Variants in INPP4B observed in about 807,000 individuals in gnomAD.
INPP4B encodes inositol polyphosphate-4-phosphatase type II B.
In INPP4B, 55 loss-of-function variants were observed where a neutral mutation model predicts 122.5. The observed-to-expected ratio is 0.45, with a 90% CI of 0.36 to 0.56. The LOEUF (loss-of-function observed/expected upper bound fraction) is 0.56. Among genes scored for constraint, INPP4B ranks in the 20% least tolerant of loss-of-function variants. The pLI is 0.00. For synonymous variants in INPP4B, 403 were observed against 388.7 expected, an observed-to-expected ratio of 1.04 and a Z score of -0.43; for missense variants, 1,000 against 1,097.7, an observed-to-expected ratio of 0.91 and a Z score of 1.26.
intron 12 of INPP4B, among the ~76,000 whole-genome samples, chr4:142,234,654 C>G (rs978754979): frequency 2.6e-5 from 4 of 152,210 alleles, no homozygotes; most frequent in Non-Finnish European, 5.9e-5. Context: ...AAAGCCAAAA[C>G]TATACAGCCT....
At chr4:142,641,524 GT>G (rs1012657955) in intron 2 of INPP4B, among the ~76,000 whole-genome samples, 3 of 151,364 alleles carry the variant, frequency 2.0e-5, no homozygotes, top group Non-Finnish European at 4.4e-5. Flanking sequence ...GCGGTGTTTG[GT>G]TTTTTATCCT....
At chr4:142,451,253 T>TC (rs1562128317) in intron 3 of INPP4B, among the ~76,000 whole-genome samples, 1 of 143,048 alleles carries the variant, frequency 7.0e-6, no homozygotes, top group East Asian at 2.0e-4. Context: ...GTTGTTTTTT[T>TC]TTTTTTTTTT....
chr4:142,048,601 G>A (rs1475850582), intron 25 of INPP4B, among the ~76,000 whole-genome samples: 1 of 151,900 alleles, frequency 6.6e-6, no homozygotes, highest in Non-Finnish European at 1.5e-5. Context: ...GAGGGGGCAG[G>A]TATTTATGTG....
At chr4:142,214,781 G>A (rs912794262) in intron 12 of INPP4B, among the ~76,000 whole-genome samples, 1 of 152,166 alleles carries the variant, frequency 6.6e-6, no homozygotes, top group Non-Finnish European at 1.5e-5. Flanking sequence ...TCGAACTCCT[G>A]ACCTCAGGTG....
chr4:142,651,927 T>C (rs1753051557), intron 2 of INPP4B, among the ~76,000 whole-genome samples: 1 of 151,996 alleles, frequency 6.6e-6, no homozygotes, highest in African/African-American at 2.4e-5. Context: ...AAAAAAAGAA[T>C]TTTAGACCAA....
chr4:142,159,415 T>C (rs1219170623), intron 17 of INPP4B, among the ~76,000 whole-genome samples: 5 of 151,990 alleles, frequency 3.3e-5, no homozygotes, highest in South Asian at 4.1e-4. Context: ...ATTTTTGTGA[T>C]AGAAATTTTA....
chr4:142,142,802 C>T (rs547995742), intron 18 of INPP4B, among the ~76,000 whole-genome samples: 1 of 151,956 alleles, frequency 6.6e-6, no homozygotes, highest in African/African-American at 2.4e-5. Context: ...GAATGATAAA[C>T]GTTTAAAGTG....
At chr4:142,759,563 T>G in intron 1 of INPP4B, among the ~76,000 whole-genome samples, 1 of 152,140 alleles carries the variant, frequency 6.6e-6, no homozygotes, top group East Asian at 1.9e-4. Flanking sequence ...TTGCATGAAT[T>G]ACATGTGTGT....
intron 2 of INPP4B, among the ~76,000 whole-genome samples, chr4:142,467,702 A>T (rs1818053631): frequency 6.6e-6 from 1 of 152,134 alleles, no homozygotes; most frequent in Admixed American, 6.5e-5. Context: ...TGTGAGAAAG[A>T]CATGAGATTT....
rs1396182130 is a variant in INPP4B, at chr4:142,593,110, A to ATT, written c.-190-130385_-190-130384insAA. Among the ~76,000 whole-genome samples the ATT allele has an allele frequency of 3.6e-3, 545 of 152,006 alleles. 8 individuals are homozygous for ATT. The highest frequency in any genetic ancestry group is 0.018 in the East Asian group (91 of 5,164). ...TACAGTGAGATCCTGTTTTTAAAAA[A>ATT]AAAAAAAAATGGTAGTGTAAATTAA... is the stretch of plus-strand genomic sequence containing the variant. On this transcript the variant is annotated intron_variant, in intron 2 of 25. Transcript: ENST00000262992.
At chr4:142,842,873 T>C (rs1480162551) in intron 1 of INPP4B, among the ~76,000 whole-genome samples, 1 of 138,384 alleles carries the variant, frequency 7.2e-6, no homozygotes, top group Non-Finnish European at 1.5e-5. Flanking sequence ...ATGATATATA[T>C]AAATATATAT....
chr4:142,362,434 T>G (rs62328293), intron 7 of INPP4B, among the ~76,000 whole-genome samples: 1,810 of 152,052 alleles, frequency 0.012, 25 homozygotes, highest in African/African-American at 0.035. Flanking sequence ...GTATCTTACA[T>G]AAATTCTATC....
intron 1 of INPP4B, among the ~76,000 whole-genome samples, chr4:142,822,689 C>G (rs1407658892): frequency 2.0e-5 from 3 of 152,090 alleles, no homozygotes; most frequent in Non-Finnish European, 4.4e-5. Flanking sequence ...GGATAGGAAC[C>G]ACTGTCTTAA....
chr4:142,537,427 TATAGAGAGAGAGAGAGAGAG>T (rs1371330146), intron 2 of INPP4B, among the ~76,000 whole-genome samples: 1 of 33,870 alleles, frequency 3.0e-5, no homozygotes, highest in Admixed American at 3.2e-4. Context: ...TATATATATA[TATAGAGAGAGAGAGAGAGAG>T]AGAGAGAGAG....
chr4:142,802,788 T>TA, intron 1 of INPP4B, among the ~76,000 whole-genome samples: 1 of 151,854 alleles, frequency 6.6e-6, no homozygotes, highest in Non-Finnish European at 1.5e-5. Context: ...TTTTTAATGA[T>TA]AATAATTTTA....
chr4:142,277,821 C>T (rs1661370679), intron 9 of INPP4B, among the ~76,000 whole-genome samples: 1 of 151,768 alleles, frequency 6.6e-6, no homozygotes, highest in African/African-American at 2.4e-5. Flanking sequence ...GAAAACCAAA[C>T]ATCGTATGTT....
chr4:142,681,037 T>C (rs115845981), intron 2 of INPP4B, among the ~76,000 whole-genome samples: 2,013 of 151,968 alleles, frequency 0.013, 42 homozygotes, highest in African/African-American at 0.038. Flanking sequence ...GAAGAATAGT[T>C]CCGTCAAGAC....
intron 12 of INPP4B, among the ~76,000 whole-genome samples, chr4:142,209,732 G>T (rs1844067553): frequency 7.6e-6 from 1 of 131,086 alleles, no homozygotes; most frequent in Non-Finnish European, 1.5e-5. Flanking sequence ...GGTGGAAGTT[G>T]CAGTGAGCCA....
Position 142,270,781 on chromosome 4 carries a change from C to A in INPP4B, c.504-7G>T, listed in dbSNP as rs1745381978. On this transcript the variant is annotated splice_region_variant and splice_polypyrimidine_tract_variant and intron_variant, in intron 9 of 25. Transcript: ENST00000262992. ...TTTGCCACCATCTGAAGTTCTGCAACAAAAAATACACGAAATGGAAAGGTA... is the reference window on the plus strand; with the variant it reads ...TTTGCCACCATCTGAAGTTCTGCAAAAAAAAATACACGAAATGGAAAGGTA... The A allele has an allele frequency of 2.5e-6, 4 of 1,575,516 alleles. No individual in the cohort carries two copies. The highest frequency in any genetic ancestry group is 2.6e-6 in the Non-Finnish European group (3 of 1,145,516).
Sources: allele counts gnomAD v4.1 joint callset (sites outside exome capture counted in the v4.1 genomes callset), GRCh38; gene constraint gnomAD v4.1.1; transcripts MANE v1.5; gene names NCBI Gene and HGNC (gene_info 2026-07-23, HGNC 2026-07-21).